The following WWOX variants were observed in gnomAD, a reference collection of about 807,000 sequenced individuals.
WWOX encodes WW domain-containing oxidoreductase.
In WWOX, 69 loss-of-function variants were observed where a neutral mutation model predicts 46.2. The observed-to-expected ratio is 1.49, with a 90% CI of 1.23 to 1.82. The LOEUF is 1.82. Among genes scored for constraint, WWOX ranks in the 40% most tolerant of loss-of-function variants. WWOX has a pLI of 0.00. For synonymous variants in WWOX, 359 were observed against 202.6 expected, an observed-to-expected ratio of 1.77 and a Z score of -6.56; for missense variants, 919 against 542.6, an observed-to-expected ratio of 1.69 and a Z score of -6.89.
intron 8 of WWOX, among the ~76,000 whole-genome samples, chr16:79,124,951 G>C (rs953245266): frequency 6.6e-6 from 1 of 152,044 alleles, no homozygotes; most frequent in Non-Finnish European, 1.5e-5. Context: ...AGCTCTGAGA[G>C]AGTTAATGAT....
chr16:78,550,292 C>G (rs1161851122), intron 8 of WWOX, among the ~76,000 whole-genome samples: 1 of 152,196 alleles, frequency 6.6e-6, no homozygotes, highest in Non-Finnish European at 1.5e-5. Flanking sequence ...GCAAACTTTG[C>G]AAAGGTTCAC....
intron 8 of WWOX, among the ~76,000 whole-genome samples, chr16:78,722,066 A>C (rs1020962035): frequency 6.6e-6 from 1 of 152,148 alleles, no homozygotes; most frequent in Admixed American, 6.6e-5. Context: ...AGAAGCTAAG[A>C]CTTTGTATTA....
chr16:78,728,509 G>A (rs1411727015), intron 8 of WWOX, among the ~76,000 whole-genome samples: 4 of 152,166 alleles, frequency 2.6e-5, no homozygotes, highest in African/African-American at 9.7e-5. Flanking sequence ...TCAGTCTCTT[G>A]TGATATCACA....
chr16:78,406,626 ATTTT>A (rs545938474), intron 6 of WWOX, among the ~76,000 whole-genome samples: 3 of 129,400 alleles, frequency 2.3e-5, no homozygotes, highest in Non-Finnish European at 4.9e-5. Flanking sequence ...TGGGATATAC[ATTTT>A]TTTTTTTTTT....
intron 8 of WWOX, among the ~76,000 whole-genome samples, chr16:78,885,570 A>G (rs948269123): frequency 9.2e-5 from 14 of 152,310 alleles, no homozygotes; most frequent in Non-Finnish European, 2.1e-4. Flanking sequence ...GTGATTTCCA[A>G]CATAGAGTTC....
intron 5 of WWOX, among the ~76,000 whole-genome samples, chr16:78,206,466 T>A (rs1023503215): frequency 6.6e-6 from 1 of 152,172 alleles, no homozygotes; most frequent in African/African-American, 2.4e-5. Flanking sequence ...TTTTGGTCTT[T>A]ACCTTCAAAA....
At chr16:78,634,269 C>G (rs1279024221) in intron 8 of WWOX, among the ~76,000 whole-genome samples, 1 of 152,144 alleles carries the variant, frequency 6.6e-6, no homozygotes, top group Non-Finnish European at 1.5e-5. Flanking sequence ...ACAAGTATCT[C>G]ATTATAAATG....
At chr16:78,963,728 G>C (rs2046315233) in intron 8 of WWOX, among the ~76,000 whole-genome samples, 1 of 152,138 alleles carries the variant, frequency 6.6e-6, no homozygotes, top group Admixed American at 6.5e-5. Flanking sequence ...GACACATATT[G>C]TTTTTTCCAT....
At chr16:78,760,244 T>C (rs918931837) in intron 8 of WWOX, among the ~76,000 whole-genome samples, 3 of 152,170 alleles carry the variant, frequency 2.0e-5, no homozygotes, top group South Asian at 2.1e-4. Context: ...ATGAGACTTA[T>C]TCACTACCAT....
intron 8 of WWOX, among the ~76,000 whole-genome samples, chr16:78,854,800 T>G (rs1317018200): frequency 6.6e-6 from 1 of 152,162 alleles, no homozygotes; most frequent in Non-Finnish European, 1.5e-5. Flanking sequence ...CAGGCTGGTG[T>G]TGAACCCCCG....
At chr16:78,305,499 T>TC (rs1423637038) in intron 5 of WWOX, among the ~76,000 whole-genome samples, 1 of 152,054 alleles carries the variant, frequency 6.6e-6, no homozygotes, top group African/African-American at 2.4e-5. Context: ...TTGGAATCTT[T>TC]CCCCCTGAGT....
At chr16:79,209,438 C>T (rs1257511903) in intron 8 of WWOX, among the ~76,000 whole-genome samples, 1 of 152,212 alleles carries the variant, frequency 6.6e-6, no homozygotes, top group Non-Finnish European at 1.5e-5. Context: ...GGTCTTTCCT[C>T]ACGCTTGGCA....
At chr16:78,675,777 C>G (rs1355844254) in intron 8 of WWOX, among the ~76,000 whole-genome samples, 1 of 152,130 alleles carries the variant, frequency 6.6e-6, no homozygotes, top group Non-Finnish European at 1.5e-5. Context: ...AGTTTGAGAC[C>G]AGCCTGGGCA....
At chr16:78,354,499 A>G (rs1239168230) in intron 5 of WWOX, among the ~76,000 whole-genome samples, 3 of 152,140 alleles carry the variant, frequency 2.0e-5, no homozygotes, top group Admixed American at 6.5e-5. Context: ...GAAAACTTGT[A>G]TAAACTGGCA....
intron 5 of WWOX, among the ~76,000 whole-genome samples, chr16:78,282,677 C>T (rs868419773): frequency 1.5e-4 from 23 of 152,000 alleles, no homozygotes; most frequent in African/African-American, 5.5e-4. Flanking sequence ...GAGATTGAGG[C>T]CAGGCTGGCC....
At chr16:78,399,948 G>A (rs1340328591) in intron 6 of WWOX, among the ~76,000 whole-genome samples, 4 of 152,186 alleles carry the variant, frequency 2.6e-5, no homozygotes, top group African/African-American at 4.8e-5. Context: ...GTGCTACACC[G>A]TGGCAGCCTG....
intron 8 of WWOX, among the ~76,000 whole-genome samples, chr16:79,011,067 A>G (rs2047294678): frequency 6.6e-6 from 1 of 151,860 alleles, no homozygotes; most frequent in Admixed American, 6.6e-5. Flanking sequence ...TGATAAGTAT[A>G]CCTTTATATA....
At chr16:79,023,383 C>G (rs1047068348) in intron 8 of WWOX, among the ~76,000 whole-genome samples, 2 of 152,068 alleles carry the variant, frequency 1.3e-5, no homozygotes, top group African/African-American at 2.4e-5. Flanking sequence ...TGCCTAATTC[C>G]CTTGAGTGAT....
At chr16:78,832,323 C>G (rs1056965353) in intron 8 of WWOX, among the ~76,000 whole-genome samples, 3 of 152,162 alleles carry the variant, frequency 2.0e-5, no homozygotes, top group Non-Finnish European at 4.4e-5. Flanking sequence ...GTGATGATCT[C>G]AGAGAGAGTG....
Sources: allele counts gnomAD v4.1 joint callset (sites outside exome capture counted in the v4.1 genomes callset), GRCh38; gene constraint gnomAD v4.1.1; transcripts MANE v1.5; gene names NCBI Gene and HGNC (gene_info 2026-07-23, HGNC 2026-07-21).